CNTRL: variants seen among roughly 807,000 people sequenced by gnomAD.
CNTRL encodes the protein 110 kDa centrosomal protein.
CNTRL carries 233 observed loss-of-function variants against 303.7 expected under a neutral mutation model. The observed-to-expected ratio is 0.77, with a 90% CI of 0.69 to 0.86. The LOEUF (loss-of-function observed/expected upper bound fraction) is 0.86. Among genes scored for constraint, CNTRL ranks in the 40% least tolerant of loss-of-function variants. The pLI is 0.00. For missense variants in CNTRL, 2,524 were observed against 2,650.6 expected, an observed-to-expected ratio of 0.95 and a Z score of 1.05; for synonymous variants, 900 against 922.2, an observed-to-expected ratio of 0.98 and a Z score of 0.44.
intron 4 of CNTRL, among the ~76,000 whole-genome samples, chr9:121,091,004 C>G (rs2048545804): frequency 6.6e-6 from 1 of 152,186 alleles, no homozygotes; most frequent in African/African-American, 2.4e-5. Context: ...AAAACTCCCC[C>G]TTATAATAAC....
At chr9:121,117,965 C>G (rs919328641) in intron 11 of CNTRL, among the ~76,000 whole-genome samples, 3 of 149,032 alleles carry the variant, frequency 2.0e-5, no homozygotes, top group Non-Finnish European at 4.4e-5. Flanking sequence ...GGCGACAGAG[C>G]AAGACTCCGT....
chr9:121,145,513 C>A, intron 22 of CNTRL, 128 bp downstream of exon 22: 2 of 912,880 alleles, frequency 2.2e-6, no homozygotes, highest in Non-Finnish European at 3.2e-6. Flanking sequence ...TGGTAATTAG[C>A]TTAATAAGTA....
chr9:121,127,717 C>A (rs2050610258), intron 14 of CNTRL, among the ~76,000 whole-genome samples: 1 of 152,096 alleles, frequency 6.6e-6, no homozygotes, highest in South Asian at 2.1e-4. Context: ...CATAGGTATA[C>A]ATGTTTCACG....
intron 1 of CNTRL, among the ~76,000 whole-genome samples, chr9:121,076,311 C>CT (rs1470590942): frequency 1.3e-5 from 2 of 152,010 alleles, no homozygotes; most frequent in Non-Finnish European, 2.9e-5. Flanking sequence ...AGATGGGAAG[C>CT]TTGAGTTTTA....
intron 3 of CNTRL, 44 bp from the exon 4 acceptor site, chr9:121,090,231 C>T (rs768054465): frequency 3.3e-5 from 49 of 1,497,474 alleles, no homozygotes; most frequent in Non-Finnish European, 4.3e-5. Flanking sequence ...TTGTGATATT[C>T]ATGTCTTTCC....
chr9:121,158,713 T>C, intron 30 of CNTRL, 142 bp from the exon 31 acceptor site: 1 of 748,712 alleles, frequency 1.3e-6, no homozygotes, highest in East Asian at 2.5e-5. Flanking sequence ...ATTTCACCCT[T>C]GCACTCCTTG....
Position 121,177,420 on chromosome 9 carries a change from C to CTT in CNTRL, c.*244_*245dup, listed in dbSNP as rs958819283. The CTT allele has an allele frequency of 3.8e-5, 13 of 346,526 alleles. No homozygotes were observed. Among genetic ancestry groups the CTT allele is most frequent in the African/African-American group, 1.6e-4 (7 of 44,280 alleles). 21.5% of individuals were successfully genotyped at this position (346,526 alleles called of 1,614,324 possible). On this transcript the variant is annotated 3_prime_UTR_variant, in exon 44 of 44. Coordinates refer to ENST00000373855, the MANE Select transcript of CNTRL (RefSeq NM_007018.6). Reference sequence around the variant, plus strand: ...AATTTAAACCAACATGTGGCTGAGCCTTTTTTTTTTTAATCTTCGTAACAT... The same window carrying CTT: ...AATTTAAACCAACATGTGGCTGAGCCTTTTTTTTTTTTTAATCTTCGTAACAT...
At chr9:121,130,250 C>T (rs551223195) in intron 14 of CNTRL, among the ~76,000 whole-genome samples, 1 of 152,232 alleles carries the variant, frequency 6.6e-6, no homozygotes, top group East Asian at 1.9e-4. Flanking sequence ...GCTGTGAATC[C>T]ATCTGGTCCT....
rs1421979481 is a variant in CNTRL, at chr9:121,148,827, C to T, written c.3615C>T (p.Ile1205=). 6 of 1,613,748 alleles carry T rather than the reference C, an allele frequency of 3.7e-6. No homozygotes were observed. The highest frequency in any genetic ancestry group is 5.1e-6 in the Non-Finnish European group (6 of 1,179,982). ...CAGGATACTGGGTTTATTCTCCCAT[C>T]AGGAGTGGGTTACATAAACTGTTTC... is the stretch of plus-strand genomic sequence containing the variant. ...PASGYWVYSP[I]RSGLHKLFPS... Residue 1205 remains isoleucine, a synonymous_variant, in exon 24 of 44, where the codon ATC becomes ATT. Transcript: ENST00000373855.
At chr9:121,129,184 A>C (rs2050712021) in intron 14 of CNTRL, among the ~76,000 whole-genome samples, 1 of 152,180 alleles carries the variant, frequency 6.6e-6, no homozygotes, top group South Asian at 2.1e-4. Context: ...GAAGAAAGTC[A>C]TTGGTAGCTT....
At chr9:121,157,398 C>T in intron 27 of CNTRL, 72 bp from the exon 28 acceptor site, 2 of 1,499,112 alleles carry the variant, frequency 1.3e-6, no homozygotes, top group Non-Finnish European at 1.8e-6. Context: ...AAGAGCTGTA[C>T]TGGTTTACAT....
At chr9:121,077,164 C>T (rs1008226110) in intron 1 of CNTRL, among the ~76,000 whole-genome samples, 1 of 152,112 alleles carries the variant, frequency 6.6e-6, no homozygotes, top group Non-Finnish European at 1.5e-5. Context: ...ATTATCATGT[C>T]ATTCCAATGG....
rs2052204170 is a variant in CNTRL, at chr9:121,150,963, GTATAA to G, written c.3963+484_3963+488del. On this transcript the variant is annotated intron_variant, in intron 25 of 43. Transcript: ENST00000373855. ...CCTGTACTTGTACACATACATATATGTATAATATGAGTGTATACACATGTATGTGC... is the reference window on the plus strand; with the variant it reads ...CCTGTACTTGTACACATACATATATGTATGAGTGTATACACATGTATGTGC... Among the ~76,000 whole-genome samples, 12 of 152,170 alleles carry G rather than the reference GTATAA, an allele frequency of 7.9e-5. No homozygotes were observed. In the South Asian group the frequency reaches 2.5e-3, roughly 32 times the overall value.
At chr9:121,124,774 C>A (rs867713993) in intron 13 of CNTRL, among the ~76,000 whole-genome samples, 1,933 of 100,206 alleles carry the variant, frequency 0.019, no homozygotes, top group African/African-American at 0.041. Context: ...CCCGTCTCTA[C>A]AAAAAAAAAA....
At chr9:121,147,386 TGG>T (rs1227209369) in intron 23 of CNTRL, among the ~76,000 whole-genome samples, 139 of 152,248 alleles carry the variant, frequency 9.1e-4, no homozygotes, top group African/African-American at 3.3e-3. Flanking sequence ...CCATGAGAAA[TGG>T]GTTGTGTACT....
intron 12 of CNTRL, among the ~76,000 whole-genome samples, chr9:121,123,361 C>T (rs2050338522): frequency 6.6e-6 from 1 of 152,158 alleles, no homozygotes; most frequent in Non-Finnish European, 1.5e-5. Flanking sequence ...CGGCAGATCA[C>T]TTGAGGTCAG....
chr9:121,132,062 A>G (rs1441835002), intron 14 of CNTRL, among the ~76,000 whole-genome samples: 1 of 151,796 alleles, frequency 6.6e-6, no homozygotes, highest in African/African-American at 2.4e-5. Flanking sequence ...CTGCCCTTAC[A>G]TTTTTTCCTT....
chr9:121,149,401 G>A (rs201520382), intron 24 of CNTRL, among the ~76,000 whole-genome samples: 1 of 110,694 alleles, frequency 9.0e-6, no homozygotes, highest in South Asian at 7.0e-4. Context: ...ACTTTTTTTT[G>A]TTTTTTGTTT....
intron 36 of CNTRL, 61 bp from the exon 37 acceptor site, chr9:121,167,428 A>C (rs2053139747): frequency 3.6e-6 from 5 of 1,404,326 alleles, no homozygotes; most frequent in Middle Eastern, 1.8e-4. Context: ...CTGGATTGGC[A>C]CTGACCACCT....
Sources: allele counts gnomAD v4.1 joint callset (sites outside exome capture counted in the v4.1 genomes callset), GRCh38; gene constraint gnomAD v4.1.1; transcripts MANE v1.5; gene names NCBI Gene and HGNC (gene_info 2026-07-23, HGNC 2026-07-21).